The following NCKAP5 variants were observed in gnomAD, a reference collection of about 807,000 sequenced individuals.
NCKAP5 encodes NCK associated protein 5, also known as nck-associated protein 5.
A neutral mutation model predicts 167.0 loss-of-function variants in NCKAP5; 92 were observed. The observed-to-expected ratio is 0.55, with a 90% CI of 0.47 to 0.66. The LOEUF is 0.66. NCKAP5 is among the 30% of genes least tolerant of loss of function. NCKAP5 has a pLI of 0.00. For synonymous variants in NCKAP5, 891 were observed against 877.4 expected (o/e 1.02, Z -0.27); for missense variants, 2,378 against 2,315.0 (o/e 1.03, Z -0.56).
At chr2:133,226,059 G>A (rs1322041882) in intron 4 of NCKAP5, among the ~76,000 whole-genome samples, 2 of 151,850 alleles carry the variant, frequency 1.3e-5, no homozygotes, top group East Asian at 3.9e-4. Flanking sequence ...CTCCCAAAGT[G>A]TTGAGATTAC....
At chr2:133,457,870 A>C (rs745515405) in intron 3 of NCKAP5, among the ~76,000 whole-genome samples, 3 of 152,180 alleles carry the variant, frequency 2.0e-5, no homozygotes, top group Admixed American at 6.5e-5. Flanking sequence ...AATTTCTAAC[A>C]ATTCTGTTAA....
intron 8 of NCKAP5, among the ~76,000 whole-genome samples, chr2:132,924,598 A>T (rs1695705576): frequency 6.6e-6 from 1 of 152,232 alleles, no homozygotes; most frequent in African/African-American, 2.4e-5. Flanking sequence ...AAATACAAAC[A>T]GGCATAATTG....
intron 5 of NCKAP5, among the ~76,000 whole-genome samples, chr2:133,180,035 A>C (rs921299198): frequency 6.6e-5 from 10 of 152,206 alleles, no homozygotes; most frequent in African/African-American, 2.4e-4. Flanking sequence ...AAGACAAACC[A>C]TCGTCAAGCT....
chr2:133,482,939 AG>A (rs1680583001), intron 3 of NCKAP5, among the ~76,000 whole-genome samples: 1 of 152,206 alleles, frequency 6.6e-6, no homozygotes, highest in Non-Finnish European at 1.5e-5. Flanking sequence ...GAGAAACTAT[AG>A]AACCGATGCA....
intron 16 of NCKAP5, among the ~76,000 whole-genome samples, chr2:132,771,006 GATA>G (rs1355410003): frequency 2.0e-5 from 3 of 152,126 alleles, no homozygotes; most frequent in Admixed American, 6.5e-5. Flanking sequence ...ATTTGATAAT[GATA>G]ATAAGTGACT....
intron 3 of NCKAP5, among the ~76,000 whole-genome samples, chr2:133,417,725 G>A (rs533165624): frequency 6.6e-6 from 1 of 152,240 alleles, no homozygotes; most frequent in South Asian, 2.1e-4. Flanking sequence ...TGGGAGCAAA[G>A]GCTAAATAGC....
At chr2:132,846,067 T>C (rs942689926) in intron 11 of NCKAP5, among the ~76,000 whole-genome samples, 6 of 152,164 alleles carry the variant, frequency 3.9e-5, no homozygotes, top group Non-Finnish European at 7.4e-5. Context: ...AATTACATTT[T>C]CCAATTGGTT....
the NCKAP5 span, among the ~76,000 whole-genome samples, chr2:133,645,547 A>G: frequency 6.6e-6 from 1 of 152,216 alleles, no homozygotes; most frequent in African/African-American, 2.4e-5. Context: ...ATCAAGAAGC[A>G]TTATCTAAAA....
intron 11 of NCKAP5, among the ~76,000 whole-genome samples, chr2:132,851,388 G>A (rs956513048): frequency 1.3e-5 from 2 of 152,146 alleles, no homozygotes; most frequent in African/African-American, 4.8e-5. Flanking sequence ...AGTGGCATTA[G>A]GATATGAGAG....
chr2:132,952,062 C>A (rs2149150549), intron 8 of NCKAP5, among the ~76,000 whole-genome samples: 1 of 152,180 alleles, frequency 6.6e-6, no homozygotes, highest in Admixed American at 6.5e-5. Flanking sequence ...AAACTGAATC[C>A]TTTAGATGAA....
chr2:133,233,054 A>G (rs1200592423), intron 4 of NCKAP5, among the ~76,000 whole-genome samples: 1 of 152,196 alleles, frequency 6.6e-6, no homozygotes, highest in Non-Finnish European at 1.5e-5. Flanking sequence ...CCAAGAATGG[A>G]TAACTGCTGC....
At chr2:132,683,471 A>T (rs1685517550) in intron 19 of NCKAP5, among the ~76,000 whole-genome samples, 1 of 152,176 alleles carries the variant, frequency 6.6e-6, no homozygotes, top group South Asian at 2.1e-4. Context: ...GCTCTGAGCC[A>T]TCTGGGGCTT....
intron 16 of NCKAP5, among the ~76,000 whole-genome samples, chr2:132,769,242 C>T (rs1008238515): frequency 3.3e-5 from 5 of 152,106 alleles, no homozygotes; most frequent in African/African-American, 7.2e-5. Flanking sequence ...GCCACTACGC[C>T]GGGCCAAGTT....
At chr2:133,133,199 C>A (rs1012981547) in intron 5 of NCKAP5, among the ~76,000 whole-genome samples, 2 of 152,174 alleles carry the variant, frequency 1.3e-5, no homozygotes, top group African/African-American at 4.8e-5. Flanking sequence ...CCACTAGGTA[C>A]TGAAGAGCAA....
At chr2:133,126,727 T>C (rs150508797) in intron 6 of NCKAP5, among the ~76,000 whole-genome samples, 22 of 152,342 alleles carry the variant, frequency 1.4e-4, no homozygotes, top group Non-Finnish European at 2.5e-4. Flanking sequence ...CCTTTGGCCA[T>C]GAGATAATAA....
intron 19 of NCKAP5, among the ~76,000 whole-genome samples, chr2:132,688,612 G>A (rs1227704206): frequency 6.6e-6 from 1 of 152,080 alleles, no homozygotes; most frequent in African/African-American, 2.4e-5. Flanking sequence ...CTTAGCCTGC[G>A]GGGTTGGGCA....
chr2:133,612,821 G>A, the NCKAP5 span, among the ~76,000 whole-genome samples: 2 of 152,190 alleles, frequency 1.3e-5, no homozygotes, highest in Non-Finnish European at 2.9e-5. Context: ...TTTAAGACAG[G>A]TTGACTGGAT....
At chr2:133,079,791 C>G (rs75455323) in intron 6 of NCKAP5, among the ~76,000 whole-genome samples, 10,002 of 152,106 alleles carry the variant, frequency 0.066, 394 homozygotes, top group African/African-American at 0.11. Flanking sequence ...TTTCACCTAC[C>G]TTTTCACTTA....
At chr2:133,141,740 A>G (rs1359662126) in intron 5 of NCKAP5, among the ~76,000 whole-genome samples, 1 of 152,200 alleles carries the variant, frequency 6.6e-6, no homozygotes, top group African/African-American at 2.4e-5. Flanking sequence ...TTAAACAAGA[A>G]TATTTCTTTA....
Sources: gnomAD v4.1 joint callset for allele counts (sites outside exome capture counted in the v4.1 genomes callset) on GRCh38, gnomAD v4.1.1 for gene constraint, MANE v1.5 for transcripts, NCBI Gene and HGNC (gene_info 2026-07-23, HGNC 2026-07-21) for gene names.